SHISA9: variants seen among roughly 807,000 people sequenced by gnomAD.
The protein encoded by SHISA9 is shisa family member 9.
Under a neutral mutation model 38.0 loss-of-function variants are expected in SHISA9, and 13 were observed. The ratio of observed to expected loss-of-function variants is 0.34; its 90% CI spans 0.22 to 0.54. SHISA9 has a LOEUF of 0.54. SHISA9 is among the 20% of genes least tolerant of loss of function. The probability of loss-of-function intolerance (pLI) is 0.91; values close to 1 mark genes in which losing one functional copy is unlikely to be tolerated. For missense variants in SHISA9, 538 were observed against 575.8 expected (o/e 0.93, Z 0.67); for synonymous variants, 275 against 242.0 (o/e 1.14, Z -1.27).
chr16:13,288,147 A>G, the SHISA9 span, among the ~76,000 whole-genome samples: 1 of 152,330 alleles, frequency 6.6e-6, no homozygotes, highest in Admixed American at 6.5e-5. Flanking sequence ...TAGGTTAAAA[A>G]AAGAAAAACA....
intron 2 of SHISA9, among the ~76,000 whole-genome samples, chr16:12,966,901 C>A (rs1466986131): frequency 1.3e-5 from 2 of 152,180 alleles, no homozygotes; most frequent in Non-Finnish European, 2.9e-5. Flanking sequence ...CAGACAATCT[C>A]TTGAAATCTT....
In SHISA9 at chr16:13,108,394, C is replaced by T. The variant is rs59555561; in HGVS notation, c.692-95000C>T. Among the ~76,000 whole-genome samples, 1,150 of 152,226 alleles carry T rather than the reference C, an allele frequency of 7.6e-3. 17 individuals carry two copies. The highest frequency in any genetic ancestry group is 0.026 in the African/African-American group (1,087 of 41,516). On this transcript the variant is annotated intron_variant, in intron 2 of 4. Coordinates refer to ENST00000558583, the MANE Select transcript of SHISA9 (RefSeq NM_001145204.3). ...ATCCTCCTGCCTTGGCTTCCTGAGTCGCTGGGACTGCAGGCAGGCACCATC... is the reference window on the plus strand; with the variant it reads ...ATCCTCCTGCCTTGGCTTCCTGAGTTGCTGGGACTGCAGGCAGGCACCATC...
At chr16:13,366,641 G>A in the SHISA9 span, among the ~76,000 whole-genome samples, 20,242 of 151,728 alleles carry the variant, frequency 0.13, 1,592 homozygotes, top group East Asian at 0.38. Flanking sequence ...CCAGGAGTTT[G>A]AGACCAGCCT....
chr16:12,962,156 G>A (rs115484998), intron 2 of SHISA9, among the ~76,000 whole-genome samples: 3,927 of 152,266 alleles, frequency 0.026, 175 homozygotes, highest in African/African-American at 0.089. Context: ...ATCATGTGCT[G>A]GTGCTGTCTG....
chr16:13,198,743 A>G (rs2050974917), intron 2 of SHISA9, among the ~76,000 whole-genome samples: 1 of 152,222 alleles, frequency 6.6e-6, no homozygotes, highest in African/African-American at 2.4e-5. Context: ...TGTTGCCCTG[A>G]AACTGGATTT....
At position 13,221,337 on chromosome 16, in the gene SHISA9, CT is replaced by C. The variant is rs200333360; in HGVS notation, c.895+8046del. Reference sequence around the variant, plus strand: ...TCCTCTCCTGCTTAGGAAACTCAGGCTTTTTTTTTCCTGCCTTTCTTGTTTC... The same window carrying C: ...TCCTCTCCTGCTTAGGAAACTCAGGCTTTTTTTTCCTGCCTTTCTTGTTTC... On this transcript the variant is annotated intron_variant, in intron 4 of 4. Transcript: ENST00000558583. Among the ~76,000 whole-genome samples, 557 of 150,950 alleles carry C rather than the reference CT, an allele frequency of 3.7e-3. 4 individuals are homozygous for C. The highest frequency in any genetic ancestry group is 0.013 in the African/African-American group (525 of 41,154).
At chr16:13,147,754 C>T (rs1053411854) in intron 2 of SHISA9, among the ~76,000 whole-genome samples, 1 of 152,206 alleles carries the variant, frequency 6.6e-6, no homozygotes, top group African/African-American at 2.4e-5. Flanking sequence ...AGCCACCACG[C>T]CCAGCCTGAA....
the SHISA9 span, among the ~76,000 whole-genome samples, chr16:13,274,572 G>A: frequency 6.6e-6 from 1 of 152,108 alleles, no homozygotes; most frequent in Non-Finnish European, 1.5e-5. Context: ...TGAAGTGGTT[G>A]TTAATTCCCC....
chr16:13,310,367 T>C, the SHISA9 span, among the ~76,000 whole-genome samples: 1 of 152,132 alleles, frequency 6.6e-6, no homozygotes, highest in Admixed American at 6.5e-5. Context: ...TTAGTGAACA[T>C]CCAGATATTT....
At chr16:13,317,307 G>C in the SHISA9 span, among the ~76,000 whole-genome samples, 2 of 152,156 alleles carry the variant, frequency 1.3e-5, no homozygotes, top group African/African-American at 4.8e-5. Flanking sequence ...TCCTAAAGTC[G>C]TGTCACAAAA....
intron 2 of SHISA9, among the ~76,000 whole-genome samples, chr16:13,041,980 T>A (rs1043399691): frequency 2.0e-5 from 3 of 152,182 alleles, no homozygotes; most frequent in African/African-American, 7.2e-5. Flanking sequence ...GCTTTGACTT[T>A]TTGGTTTCTG....
intron 2 of SHISA9, among the ~76,000 whole-genome samples, chr16:13,044,084 A>T (rs1007052072): frequency 2.6e-5 from 4 of 152,204 alleles, no homozygotes; most frequent in African/African-American, 9.7e-5. Flanking sequence ...AAACTGGCTT[A>T]TGGGATTTTG....
At chr16:13,412,820 G>C in the SHISA9 span, among the ~76,000 whole-genome samples, 1 of 152,092 alleles carries the variant, frequency 6.6e-6, no homozygotes, top group South Asian at 2.1e-4. Context: ...ACACACCACT[G>C]TACTCAGTCC....
the SHISA9 span, among the ~76,000 whole-genome samples, chr16:13,518,060 C>T: frequency 1.3e-5 from 2 of 152,100 alleles, no homozygotes; most frequent in Non-Finnish European, 2.9e-5. Flanking sequence ...CTGTGCTCTC[C>T]CAGCCCAGTC....
At chr16:13,210,673 G>A (rs771156920) in intron 3 of SHISA9, among the ~76,000 whole-genome samples, 2 of 152,162 alleles carry the variant, frequency 1.3e-5, no homozygotes, top group Non-Finnish European at 1.5e-5. Context: ...TCAAGTTAGG[G>A]CAGAAAGGGG....
chr16:13,283,058 G>A, the SHISA9 span, among the ~76,000 whole-genome samples: 2 of 151,962 alleles, frequency 1.3e-5, no homozygotes, highest in South Asian at 2.1e-4. Context: ...TTACTTGTAT[G>A]GCTAGTGGGT....
chr16:13,117,313 T>G (rs948749733), intron 2 of SHISA9, among the ~76,000 whole-genome samples: 9 of 151,920 alleles, frequency 5.9e-5, no homozygotes, highest in African/African-American at 2.2e-4. Context: ...CTTTAGTTTC[T>G]GCATCTGTAA....
chr16:13,476,740 T>TC, the SHISA9 span, among the ~76,000 whole-genome samples: 10 of 99,376 alleles, frequency 1.0e-4, no homozygotes, highest in East Asian at 3.5e-3. Context: ...TGTTTTGTGT[T>TC]TTTTTTTTTT....
In SHISA9 at chr16:12,901,675, G is replaced by A. The variant is rs1483291407; in HGVS notation, c.-390G>A. ...TGAGAGGGATACTGCGAGAGGGCTA[G>A]GGGCGGCCAGTCCGGGGCTGCCGGC... On this transcript the variant is annotated 5_prime_UTR_variant, in exon 1 of 5. Coordinates refer to ENST00000558583, the MANE Select transcript of SHISA9 (RefSeq NM_001145204.3). The A allele has an allele frequency of 6.6e-6, 1 of 151,162 alleles. No homozygotes were observed. Among genetic ancestry groups the A allele is most frequent in the African/African-American group, 2.4e-5 (1 of 41,046 alleles). 9.4% of individuals were successfully genotyped at this position (151,162 alleles called of 1,614,324 possible). A position where few individuals can be genotyped will look rare whatever the true frequency, so the allele number is the denominator to read the frequency against.
Sources: gnomAD v4.1 joint callset for allele counts (sites outside exome capture counted in the v4.1 genomes callset) on GRCh38, gnomAD v4.1.1 for gene constraint, MANE v1.5 for transcripts, NCBI Gene and HGNC (gene_info 2026-07-23, HGNC 2026-07-21) for gene names.